JAG2: variants seen among roughly 807,000 people sequenced by gnomAD.
JAG2 encodes the protein protein jagged-2.
A neutral mutation model predicts 141.7 loss-of-function variants in JAG2; 46 were observed. The ratio of observed to expected loss-of-function variants is 0.32; its 90% CI spans 0.26 to 0.42. JAG2 has a LOEUF of 0.42. Ranked by LOEUF, JAG2 falls within the 10% of genes least tolerant of loss-of-function variation. The probability of loss-of-function intolerance (pLI) is 1.00; values close to 1 mark genes in which losing one functional copy is unlikely to be tolerated. For synonymous variants in JAG2, 862 were observed against 763.5 expected (o/e 1.13, Z -2.13); for missense variants, 1,500 against 1,817.5 (o/e 0.83, Z 3.18).
chr14:105,143,703 A>C (rs1888135130), intron 24 of JAG2, 65 bp from the exon 25 acceptor site: 52 of 1,580,448 alleles, frequency 3.3e-5, no homozygotes, highest in Non-Finnish European at 4.4e-5. Context: ...GCCTGCCCCC[A>C]ACACTGAGGC....
rs1020869221 is a variant in JAG2, at chr14:105,167,233, G to C, written c.417+524C>G. Among the ~76,000 whole-genome samples, 1 of 152,226 alleles carries C rather than the reference G, an allele frequency of 6.6e-6. No individual in the cohort carries two copies. Among genetic ancestry groups the C allele is most frequent in the Non-Finnish European group, 1.5e-5 (1 of 68,036 alleles). ...CTCTGAACGATCTTGGGTCACCATC[G>C]GGGGCTTCTGCCGACATAAGCGTTA... On this transcript the variant is annotated intron_variant, in intron 2 of 25. Transcript: ENST00000331782. The surrounding 1 kb of genome is among the most constrained non-coding windows in gnomAD (Gnocchi z 4.8).
Position 105,142,885 on chromosome 14 carries a change from T to G in JAG2, c.3527A>C (p.Glu1176Ala), listed in dbSNP as rs1340346388. The G allele has an allele frequency of 5.0e-6, 8 of 1,603,032 alleles. No individual in the cohort carries two copies. In the East Asian group the frequency reaches 1.8e-4, roughly 36 times the overall value. Residue 1176 changes from glutamate (E) to alanine (A), a missense_variant, in exon 26 of 26, where the codon GAG (glutamate) becomes GCG (alanine). Physicochemically the swap from Glu to Ala is moderately radical, Grantham distance 107. Around this residue, in one of 3 missense-constraint regions of JAG2, gnomAD observed 425 missense variants for 441.0 expected, o/e 0.96. Transcript: ENST00000331782. ...GCCCAGATCCTCGTCCTCCTCATCCTCCCTGACGGCCGCGTGGCCGGCCGG... is the reference window on the plus strand; with the variant it reads ...GCCCAGATCCTCGTCCTCCTCATCCGCCCTGACGGCCGCGTGGCCGGCCGG... ...PGPAGHAAVR[E>A]DEEDEDLGRG...
chr14:105,156,246 T>TAGGGGCC (rs1888580394), intron 3 of JAG2, among the ~76,000 whole-genome samples: 1 of 152,072 alleles, frequency 6.6e-6, no homozygotes, highest in South Asian at 2.1e-4. Context: ...GGCTAGGGGC[T>TAGGGGCC]AGGGGCCCTG....
intron 20 of JAG2, 68 bp downstream of exon 20, chr14:105,147,258 G>T: frequency 8.1e-7 from 1 of 1,236,308 alleles, no homozygotes; most frequent in Non-Finnish European, 1.2e-6. Flanking sequence ...GGACGTTGAT[G>T]TCCCCAGACT....
At chr14:105,164,104 C>T (rs1047677369) in intron 2 of JAG2, among the ~76,000 whole-genome samples, 1 of 151,968 alleles carries the variant, frequency 6.6e-6, no homozygotes, top group South Asian at 2.1e-4. Flanking sequence ...CCAACCCGCC[C>T]CTCCACCTCC....
intron 20 of JAG2, 35 bp downstream of exon 20, chr14:105,147,291 G>A (rs962570518): frequency 2.0e-6 from 3 of 1,528,152 alleles, no homozygotes; most frequent in African/African-American, 2.8e-5. Flanking sequence ...GCTGGGCTGA[G>A]GGGCTCCCAG....
intron 2 of JAG2, among the ~76,000 whole-genome samples, chr14:105,163,997 T>G (rs1888836155): frequency 6.6e-6 from 1 of 152,056 alleles, no homozygotes; most frequent in South Asian, 2.1e-4. Flanking sequence ...ACCCCTTCAC[T>G]GGCCTAGCTT....
At chr14:105,146,291 G>A (rs758356404) in intron 22 of JAG2, 94 bp downstream of exon 22, 64 of 1,141,350 alleles carry the variant, frequency 5.6e-5, no homozygotes, top group Non-Finnish European at 7.5e-5. Context: ...CAGTCCATCC[G>A]GACCCCAGCA....
At chr14:105,146,123 AC>A in intron 22 of JAG2, 150 bp from the exon 23 acceptor site, 1 of 1,337,938 alleles carries the variant, frequency 7.5e-7, no homozygotes. Context: ...CCCACCCCCT[AC>A]CCAGGGCTCC....
rs967567074 is a variant in JAG2 at position 105,142,984 on chromosome 14, C to T, written c.3428G>A (p.Gly1143Asp). The T allele has an allele frequency of 2.5e-6, 4 of 1,609,178 alleles. No homozygotes were observed. Among genetic ancestry groups the T allele is most frequent in the Non-Finnish European group, 3.4e-6 (4 of 1,179,268 alleles). Residue 1143 changes from glycine to aspartate, a missense_variant, in exon 26 of 26, where the codon GGC becomes GAC. By Grantham distance (94) the Gly-to-Asp change is moderately conservative. Transcript: ENST00000331782. ...GCACTGGTAGAGCACGTCCTTGTGG[C>T]CCCCCGGCCGCTCAATGGGGTTGCG... Reference protein sequence around the residue: ...PIRNPIERPGGHKDVLYQCKN... With the variant: ...PIRNPIERPGDHKDVLYQCKN...
intron 3 of JAG2, 62 bp downstream of exon 3, chr14:105,157,643 TG>T: frequency 7.2e-7 from 1 of 1,389,082 alleles, no homozygotes; most frequent in Non-Finnish European, 9.9e-7. Context: ...ACAGAGGAGC[TG>T]GGCCCTGCCA....
At position 105,155,986 on chromosome 14, in the gene JAG2, T is replaced by A. The variant is rs781078475; in HGVS notation, c.479A>T (p.Glu160Val). 2 of 1,603,844 alleles carry A rather than the reference T, an allele frequency of 1.2e-6. No individual in the cohort carries two copies. The highest frequency in any genetic ancestry group is 1.7e-6 in the Non-Finnish European group (2 of 1,179,254). ...ATGCGACACTCGCTCGATCAGCAGC[T>A]CCTCTTGGGGAGGCGGCAGAGTCAG... ...DWDNDTTPNE[E>V]LLIERVSHAG... The change falls in exon 4 of 26, where the codon GAG becomes GTG. Residue 160 changes from glutamate to valine, a missense_variant. Transcript: ENST00000331782.
rs1463028055 is a variant in JAG2 at position 105,148,919 on chromosome 14, C to G, written c.1906+18G>C. 3.1e-6 allele frequency: 5 copies of G among 1,599,934 alleles called. No homozygotes were observed. Among genetic ancestry groups the G allele is most frequent in the South Asian group, 1.1e-5 (1 of 89,002 alleles). On this transcript the variant is annotated intron_variant, in intron 14 of 25. Coordinates refer to ENST00000331782, the MANE Select transcript of JAG2 (RefSeq NM_002226.5). Reference sequence around the variant, plus strand: ...CCAGCCCAGCCCCACCACCAGCCCGCCGTTCGTGGCCACTCACTCTCATGG... The same window carrying G: ...CCAGCCCAGCCCCACCACCAGCCCGGCGTTCGTGGCCACTCACTCTCATGG...
Position 105,143,510 on chromosome 14 carries a change from C to G in JAG2, c.3213G>C (p.Glu1071Asp). The change falls in exon 25 of 26, where the codon GAG becomes GAC. Residue 1071 changes from glutamate to aspartate, a missense_variant. Coordinates refer to ENST00000331782, the MANE Select transcript of JAG2 (RefSeq NM_002226.5). Reference protein sequence around the residue: ...LLLAVTEVKVETVVTGGSSTG... With the variant: ...LLLAVTEVKVDTVVTGGSSTG... ...TGGAAGAGCCGCCCGTAACAACCGTCTCCACCTTGACCTCGGTGACAGCCA... is the reference window on the plus strand; with the variant it reads ...TGGAAGAGCCGCCCGTAACAACCGTGTCCACCTTGACCTCGGTGACAGCCA... The G allele has an allele frequency of 1.9e-6, 3 of 1,572,788 alleles. No homozygotes were observed. Among genetic ancestry groups the G allele is most frequent in the Non-Finnish European group, 2.6e-6 (3 of 1,161,460 alleles).
At position 105,150,783 on chromosome 14, in the gene JAG2, C is replaced by T. The variant is rs747717548; in HGVS notation, c.1429-6G>A. The stretch of plus-strand genomic sequence containing the variant: ...TGGTACCCGTTCACCAGGTCCTGGG[C>T]GGGCCAGCCAGGTGAGCGTCCCGCA... On this transcript the variant is annotated splice_region_variant and splice_polypyrimidine_tract_variant and intron_variant, in intron 11 of 25. Transcript: ENST00000331782. The T allele has an allele frequency of 6.2e-5, 98 of 1,584,256 alleles. No homozygotes were observed. In the Middle Eastern group the frequency reaches 6.6e-4, roughly 11 times the overall value.
chr14:105,145,976 G>T lies in JAG2; in HGVS notation c.2710-3C>A. 1 of 1,592,748 alleles carries T rather than the reference G, an allele frequency of 6.3e-7. No homozygotes were observed. Among genetic ancestry groups the T allele is most frequent in the East Asian group, 2.3e-5 (1 of 43,922 alleles). ...CAAGGCTTCCATCCGCACCACACCT[G>T]GGCAGGCACGCACAGGAGGGTCAGG... On this transcript the variant is annotated splice_region_variant and splice_polypyrimidine_tract_variant and intron_variant, in intron 22 of 25. Coordinates refer to ENST00000331782, the MANE Select transcript of JAG2 (RefSeq NM_002226.5).
At chr14:105,156,134 G>A (rs1001098532) in intron 3 of JAG2, 145 bp from the exon 4 acceptor site, 9 of 1,094,714 alleles carry the variant, frequency 8.2e-6, no homozygotes, top group African/African-American at 3.2e-5. Context: ...CAGGGCCCCC[G>A]GCCAGGCTGC....
rs1352686418 is a variant in JAG2, at chr14:105,167,923, G to A, written c.251C>T (p.Pro84Leu). The stretch of plus-strand genomic sequence containing the variant: ...GTGGCCGTAGCTGCAGGGCCCCGTG[G>A]GCGTCACCTTGGCCTGGTACTCCTT... Reference protein sequence around the residue: ...CLKEYQAKVTPTGPCSYGHGA... With the variant: ...CLKEYQAKVTLTGPCSYGHGA... The change falls in exon 2 of 26, where the codon CCC becomes CTC. Residue 84 changes from proline (P) to leucine (L), a missense_variant. Physicochemically the swap from Pro to Leu is moderately conservative, Grantham distance 98 (BLOSUM62 -3). Around this residue, in one of 3 missense-constraint regions of JAG2, gnomAD observed 200 missense variants for 174.3 expected, o/e 1.15. Coordinates refer to ENST00000331782, the MANE Select transcript of JAG2 (RefSeq NM_002226.5). The surrounding 1 kb of genome is among the most constrained non-coding windows in gnomAD (Gnocchi z 4.8). The A allele has an allele frequency of 6.3e-7, 1 of 1,598,312 alleles. No homozygotes were observed. The highest frequency in any genetic ancestry group is 1.7e-4 in the Middle Eastern group (1 of 6,018).
rs1566764388 is a variant in JAG2 at position 105,151,931 on chromosome 14, C to CA, written c.1039+6dup. ...GCCAGAATTTGGGTGGCCAGCCCCC[C>CA]ACGTACCCTTCTCACAGTTCCTGCC... On this transcript the variant is annotated splice_region_variant and intron_variant, in intron 7 of 25. Coordinates refer to ENST00000331782, the MANE Select transcript of JAG2 (RefSeq NM_002226.5). The CA allele has an allele frequency of 1.2e-6, 2 of 1,612,872 alleles. No homozygotes were observed. The highest frequency in any genetic ancestry group is 8.5e-7 in the Non-Finnish European group (1 of 1,180,006).
Sources: gnomAD v4.1 joint callset for allele counts (sites outside exome capture counted in the v4.1 genomes callset) on GRCh38, gnomAD v4.1.1 for gene constraint, gnomAD v4.1.1 regional missense constraint, Gnocchi (gnomAD v3.1) non-coding constraint, MANE v1.5 for transcripts, NCBI Gene and HGNC (gene_info 2026-07-23, HGNC 2026-07-21) for gene names.